Variants in LOC400499 observed in about 807,000 individuals in gnomAD.
chr16:11,499,887 A>G, the LOC400499 span, among the ~76,000 whole-genome samples: 1 of 152,218 alleles, frequency 6.6e-6, no homozygotes, highest in African/African-American at 2.4e-5. Flanking sequence ...GGTGAAGGGC[A>G]GAGCAGCTGC....
At chr16:11,399,697 C>T in the LOC400499 span, 7 of 398,806 alleles carry the variant, frequency 1.8e-5, no homozygotes, top group Non-Finnish European at 3.1e-5. Flanking sequence ...TCAGGCCCCA[C>T]ATACCTGCCC....
the LOC400499 span, chr16:11,385,036 C>T: frequency 2.5e-5 from 31 of 1,232,040 alleles, no homozygotes; most frequent in Middle Eastern, 3.1e-4. Context: ...AACTGTCCCC[C>T]GGCAGGGAGG....
chr16:11,377,164 T>C, the LOC400499 span, among the ~76,000 whole-genome samples: 2 of 152,316 alleles, frequency 1.3e-5, no homozygotes, highest in East Asian at 1.9e-4. Context: ...ACTGTTAGCA[T>C]GTAGAAATGC....
chr16:11,449,703 G>C, the LOC400499 span, among the ~76,000 whole-genome samples: 4 of 152,206 alleles, frequency 2.6e-5, no homozygotes, highest in Admixed American at 6.5e-5. Context: ...GTAACACTTT[G>C]TCCCATGTCA....
At chr16:11,434,623 C>T in the LOC400499 span, among the ~76,000 whole-genome samples, 2 of 152,178 alleles carry the variant, frequency 1.3e-5, no homozygotes, top group South Asian at 2.1e-4. Flanking sequence ...AAGAGGAGAG[C>T]AGCAGAAAAG....
At chr16:11,381,864 T>G in the LOC400499 span, among the ~76,000 whole-genome samples, 2 of 152,176 alleles carry the variant, frequency 1.3e-5, no homozygotes, top group Non-Finnish European at 2.9e-5. Flanking sequence ...TTAGTTCTGA[T>G]GGGTCTTGGT....
the LOC400499 span, chr16:11,487,230 CT>C: frequency 5.0e-6 from 2 of 398,656 alleles, no homozygotes; most frequent in Non-Finnish European, 8.8e-6. Flanking sequence ...AGGAGAGGCC[CT>C]GCAGAGGCTA....
At chr16:11,388,021 A>AT in the LOC400499 span, among the ~76,000 whole-genome samples, 5 of 152,046 alleles carry the variant, frequency 3.3e-5, no homozygotes, top group African/African-American at 4.8e-5. Context: ...GATCAGGGGG[A>AT]TGTCAGCTCA....
the LOC400499 span, among the ~76,000 whole-genome samples, chr16:11,415,436 T>C: frequency 6.6e-6 from 1 of 152,112 alleles, no homozygotes; most frequent in Admixed American, 6.5e-5. Flanking sequence ...TCGACTTCCT[T>C]ATCTATGAGG....
chr16:11,376,775 C>T, the LOC400499 span, among the ~76,000 whole-genome samples: 2 of 152,120 alleles, frequency 1.3e-5, no homozygotes, highest in Non-Finnish European at 2.9e-5. Flanking sequence ...CTGTAGATCA[C>T]TTTGAGTAGT....
the LOC400499 span, chr16:11,435,669 G>A: frequency 2.5e-6 from 1 of 399,312 alleles, no homozygotes; most frequent in Non-Finnish European, 4.4e-6. Flanking sequence ...TACCTTGCTG[G>A]GGTGATCTTT....
chr16:11,479,238 T>C, the LOC400499 span, among the ~76,000 whole-genome samples: 1 of 152,172 alleles, frequency 6.6e-6, no homozygotes, highest in Admixed American at 6.5e-5. Flanking sequence ...TTCTCTGACT[T>C]GCACAGTAGT....
the LOC400499 span, chr16:11,494,618 A>T: frequency 2.5e-6 from 1 of 399,112 alleles, no homozygotes; most frequent in African/African-American, 2.1e-5. Context: ...GTTCTCACCC[A>T]AGGCGTCTCC....
At chr16:11,509,704 G>A in the LOC400499 span, among the ~76,000 whole-genome samples, 5 of 151,998 alleles carry the variant, frequency 3.3e-5, no homozygotes, top group African/African-American at 7.2e-5. Flanking sequence ...GGTGGCAGGC[G>A]CCTGTAATCC....
chr16:11,520,313 C>G, the LOC400499 span, among the ~76,000 whole-genome samples: 1 of 152,088 alleles, frequency 6.6e-6, no homozygotes, highest in Non-Finnish European at 1.5e-5. Context: ...CTGTACAATT[C>G]CATTAGAGAG....
chr16:11,456,841 C>G, the LOC400499 span: 1 of 1,536,202 alleles, frequency 6.5e-7, no homozygotes, highest in South Asian at 1.2e-5. Flanking sequence ...CCAAGGAGGC[C>G]CCACAGCCAA....
the LOC400499 span, among the ~76,000 whole-genome samples, chr16:11,511,442 C>A: frequency 6.6e-6 from 1 of 152,124 alleles, no homozygotes; most frequent in African/African-American, 2.4e-5. Flanking sequence ...AGTTCTGACT[C>A]CAAAGCCTCC....
At chr16:11,414,951 G>A in the LOC400499 span, among the ~76,000 whole-genome samples, 6 of 152,196 alleles carry the variant, frequency 3.9e-5, no homozygotes, top group Non-Finnish European at 8.8e-5. Context: ...GTCAGTGCCT[G>A]GGGTCGGGAT....
the LOC400499 span, among the ~76,000 whole-genome samples, chr16:11,401,702 C>T: frequency 6.6e-6 from 1 of 152,198 alleles, no homozygotes; most frequent in African/African-American, 2.4e-5. Context: ...GTCACTGCAC[C>T]TCTAAGTGCT....
Sources: gnomAD v4.1 joint callset for allele counts (sites outside exome capture counted in the v4.1 genomes callset) on GRCh38, gnomAD v4.1.1 for gene constraint, MANE v1.5 for transcripts.